Variants in RASAL2 observed in about 807,000 individuals in gnomAD.
The protein encoded by RASAL2 is RAS protein activator like 2, also known as ras GTPase-activating protein nGAP.
A neutral mutation model predicts 128.9 loss-of-function variants in RASAL2; 58 were observed. The ratio of observed to expected loss-of-function variants is 0.45; its 90% CI spans 0.36 to 0.56. The LOEUF (loss-of-function observed/expected upper bound fraction) is 0.56, where lower values mean the gene tolerates loss of function less well. Ranked by LOEUF, RASAL2 falls within the 20% of genes least tolerant of loss-of-function variation. RASAL2 has a pLI of 0.00. For synonymous variants in RASAL2, 561 were observed against 580.8 expected (o/e 0.97, Z 0.49); for missense variants, 1,360 against 1,601.6 (o/e 0.85, Z 2.57).
intron 16 of RASAL2, among the ~76,000 whole-genome samples, chr1:178,466,509 C>CT (rs1647715793): frequency 6.6e-6 from 1 of 152,144 alleles, no homozygotes; most frequent in Non-Finnish European, 1.5e-5. Context: ...TTTGAGAGTG[C>CT]TGCAGATGCC....
At chr1:178,226,270 C>A (rs1406652727) in intron 1 of RASAL2, among the ~76,000 whole-genome samples, 2 of 152,052 alleles carry the variant, frequency 1.3e-5, no homozygotes, top group East Asian at 3.9e-4. Flanking sequence ...AGATTTGTTG[C>A]ATTGTTTTTT....
intron 3 of RASAL2, among the ~76,000 whole-genome samples, chr1:178,335,391 G>A (rs1669536689): frequency 6.6e-6 from 1 of 152,112 alleles, no homozygotes; most frequent in African/African-American, 2.4e-5. Context: ...TAAAAATAGA[G>A]GAGGAAAATA....
In RASAL2 at chr1:178,464,567, GGTGT is replaced by G. The variant is rs58822651; in HGVS notation, c.3387+185_3387+188del. 1.2e-3 allele frequency among the ~76,000 whole-genome samples: 171 copies of G among 145,090 alleles called. 1 individual carries two copies. Among genetic ancestry groups the G allele is most frequent in the African/African-American group, 3.2e-3 (127 of 39,418 alleles). ...ACATATCTATGTAAAATAGGTCAGT[GGTGT>G]GTGTGTGTGTGTGTGTGTGTGTGTG... On this transcript the variant is annotated intron_variant, in intron 15 of 17. Coordinates refer to ENST00000367649, the MANE Select transcript of RASAL2 (RefSeq NM_170692.4).
chr1:178,137,832 A>G (rs1168862107), intron 1 of RASAL2, among the ~76,000 whole-genome samples: 1 of 152,224 alleles, frequency 6.6e-6, no homozygotes, highest in African/African-American at 2.4e-5. Flanking sequence ...TGATTTAGTT[A>G]AATGTATACC....
chr1:178,224,187 A>G (rs1366492736), intron 1 of RASAL2, among the ~76,000 whole-genome samples: 1 of 152,032 alleles, frequency 6.6e-6, no homozygotes, highest in African/African-American at 2.4e-5. Flanking sequence ...TGATTGAACC[A>G]GTCAGAAGTG....
At chr1:178,186,235 T>A (rs2101938778) in intron 1 of RASAL2, among the ~76,000 whole-genome samples, 1 of 152,132 alleles carries the variant, frequency 6.6e-6, no homozygotes, top group South Asian at 2.1e-4. Flanking sequence ...CTTTTTTTTT[T>A]TCTTCTGATA....
At chr1:178,417,996 G>A (rs1026076479) in intron 4 of RASAL2, among the ~76,000 whole-genome samples, 1 of 151,950 alleles carries the variant, frequency 6.6e-6, no homozygotes, top group African/African-American at 2.4e-5. Flanking sequence ...CAAATGTGGT[G>A]ACTCATTCTG....
intron 2 of RASAL2, among the ~76,000 whole-genome samples, chr1:178,284,698 A>G (rs746641730): frequency 2.1e-4 from 32 of 152,176 alleles, no homozygotes; most frequent in Non-Finnish European, 3.4e-4. Flanking sequence ...TGATAAAACT[A>G]CTCTGTAAAA....
chr1:178,364,433 C>G (rs145887729), intron 3 of RASAL2, among the ~76,000 whole-genome samples: 1 of 152,096 alleles, frequency 6.6e-6, no homozygotes, highest in Non-Finnish European at 1.5e-5. Flanking sequence ...GTTTACTTAA[C>G]TATAAAATGG....
intron 1 of RASAL2, among the ~76,000 whole-genome samples, chr1:178,209,479 G>A (rs1045333334): frequency 7.9e-5 from 12 of 152,056 alleles, no homozygotes; most frequent in South Asian, 2.1e-4. Flanking sequence ...AGTAGTCAGC[G>A]TTTTCTCATC....
rs71108033 is a variant in RASAL2, at chr1:178,180,485, CAAAAA to C, written c.202+85811_202+85815del. On this transcript the variant is annotated intron_variant, in intron 1 of 17. Transcript: ENST00000367649. ...CAACATGGTGAAACCTCATCTCTAC[CAAAAA>C]AAAAAAAAAAAAAAAAAAACCCACA... Among the ~76,000 whole-genome samples the C allele has an allele frequency of 1.5e-4, 11 of 72,562 alleles. 1 individual carries two copies. Among genetic ancestry groups the C allele is most frequent in the Admixed American group, 5.6e-4 (3 of 5,396 alleles). 47.6% of individuals were successfully genotyped at this position (72,562 alleles called of 152,430 possible). A position where few individuals can be genotyped will look rare whatever the true frequency, so the allele number is the denominator to read the frequency against.
intron 3 of RASAL2, among the ~76,000 whole-genome samples, chr1:178,317,513 A>T (rs1330397216): frequency 1.3e-5 from 2 of 150,698 alleles, no homozygotes; most frequent in Non-Finnish European, 3.0e-5. Flanking sequence ...TTTCTGGTTT[A>T]GTCTTGGGAG....
chr1:178,105,708 A>T lies in RASAL2; in HGVS notation c.202+11014A>T, dbSNP rs148274996. On this transcript the variant is annotated intron_variant, in intron 1 of 17. Coordinates refer to ENST00000367649, the MANE Select transcript of RASAL2 (RefSeq NM_170692.4). ...GTTCTTTTTTTTTTTTTTGAGACGG[A>T]GTCTTGTTCTGTCACTCAGGCTGGA... Among the ~76,000 whole-genome samples the T allele has an allele frequency of 3.5e-3, 503 of 143,416 alleles. 1 individual carries two copies. The highest frequency in any genetic ancestry group is 0.012 in the African/African-American group (477 of 38,466). The allele number at this position is 143,416 out of a possible 152,430, so 94.1% of individuals were successfully genotyped here.
chr1:178,411,190 ACAC>A (rs1674358228), intron 4 of RASAL2, among the ~76,000 whole-genome samples: 3 of 127,566 alleles, frequency 2.4e-5, no homozygotes, highest in Non-Finnish European at 5.1e-5. Context: ...ACACACACAC[ACAC>A]CCCATGGAAT....
intron 17 of RASAL2, among the ~76,000 whole-genome samples, chr1:178,469,275 C>T (rs1003892447): frequency 6.6e-5 from 10 of 151,906 alleles, no homozygotes; most frequent in Admixed American, 1.3e-4. Flanking sequence ...ATAGCCTGAG[C>T]GACAAAGTGA....
At chr1:178,327,215 A>G (rs1385667259) in intron 3 of RASAL2, among the ~76,000 whole-genome samples, 1 of 152,162 alleles carries the variant, frequency 6.6e-6, no homozygotes, top group African/African-American at 2.4e-5. Flanking sequence ...GTATTTCCTA[A>G]TATTCATTTA....
chr1:178,320,283 A>T (rs1319469647), intron 3 of RASAL2, among the ~76,000 whole-genome samples: 3 of 152,176 alleles, frequency 2.0e-5, no homozygotes, highest in Non-Finnish European at 2.9e-5. Flanking sequence ...TGGAGCCTAC[A>T]GGGGCAGGCA....
chr1:178,141,193 C>CTTTTTTTTTTTTTTTTTTTTTTTTTT lies in RASAL2; in HGVS notation c.202+46524_202+46525insTTTTTTTTTTTTTTTTTTTTTTTTTT, dbSNP rs71297900. On this transcript the variant is annotated intron_variant, in intron 1 of 17. Coordinates refer to ENST00000367649, the MANE Select transcript of RASAL2 (RefSeq NM_170692.4). ...CTGGAGACCACTTTTCTTTTCTTTT[C>CTTTTTTTTTTTTTTTTTTTTTTTTTT]TTTTTTTTTTTTTTTTTTTTTTTTT... 1.2e-4 allele frequency among the ~76,000 whole-genome samples: 9 copies of CTTTTTTTTTTTTTTTTTTTTTTTTTT among 73,934 alleles called. 1 individual carries two copies. Among genetic ancestry groups the CTTTTTTTTTTTTTTTTTTTTTTTTTT allele is most frequent in the African/African-American group, 4.8e-4 (9 of 18,780 alleles). 48.5% of individuals were successfully genotyped at this position (73,934 alleles called of 152,430 possible).
chr1:178,169,478 T>C (rs1203297117), intron 1 of RASAL2, among the ~76,000 whole-genome samples: 2 of 152,186 alleles, frequency 1.3e-5, no homozygotes, highest in East Asian at 3.8e-4. Context: ...ATCATTACAA[T>C]TGACACTAAT....
Sources: allele counts gnomAD v4.1 joint callset (sites outside exome capture counted in the v4.1 genomes callset), GRCh38; gene constraint gnomAD v4.1.1; transcripts MANE v1.5; gene names NCBI Gene and HGNC (gene_info 2026-07-23, HGNC 2026-07-21).